The following ELMO1 variants were observed in gnomAD, a reference collection of about 807,000 sequenced individuals.
ELMO1 encodes engulfment and cell motility 1, also known as engulfment and cell motility protein 1.
In ELMO1, 26 loss-of-function variants were observed where a neutral mutation model predicts 98.9. The ratio of observed to expected loss-of-function variants is 0.26; its 90% CI spans 0.19 to 0.36. The LOEUF is 0.36. ELMO1 is among the 10% of genes least tolerant of loss of function. ELMO1 has a pLI of 1.00. For synonymous variants in ELMO1, 346 were observed against 346.0 expected (o/e 1.00, Z 0.00); for missense variants, 627 against 935.2 (o/e 0.67, Z 4.30).
intron 15 of ELMO1, among the ~76,000 whole-genome samples, chr7:37,072,010 G>C (rs1348575045): frequency 6.6e-6 from 1 of 152,188 alleles, no homozygotes; most frequent in Non-Finnish European, 1.5e-5. Context: ...AGTTCTTCTT[G>C]AGAATGAGGA....
intron 13 of ELMO1, among the ~76,000 whole-genome samples, chr7:37,186,837 A>C (rs949576181): frequency 1.3e-5 from 2 of 152,224 alleles, no homozygotes; most frequent in Non-Finnish European, 2.9e-5. Flanking sequence ...GAAAACACTG[A>C]AATCTTCATA....
At chr7:37,126,603 T>C (rs1250034271) in intron 14 of ELMO1, among the ~76,000 whole-genome samples, 1 of 152,216 alleles carries the variant, frequency 6.6e-6, no homozygotes, top group Non-Finnish European at 1.5e-5. Flanking sequence ...TATAACTTGA[T>C]AGTTGTGCCC....
At chr7:37,104,739 C>T (rs965926909) in intron 14 of ELMO1, among the ~76,000 whole-genome samples, 8 of 151,692 alleles carry the variant, frequency 5.3e-5, no homozygotes, top group African/African-American at 7.3e-5. Flanking sequence ...GTATAACTGA[C>T]GACCAGGGAA....
chr7:36,882,105 T>C lies in ELMO1; in HGVS notation c.1715-3988A>G, dbSNP rs1048401973. Among the ~76,000 whole-genome samples the C allele has an allele frequency of 3.2e-4, 49 of 152,018 alleles. 2 individuals are homozygous for C. The highest frequency in any genetic ancestry group is 1.5e-5 in the Non-Finnish European group (1 of 67,984). ...CAAGAACCAAACCCCGAGACTGCCA[T>C]GGAATCAGGACACATCTTTGTTTTG... is the stretch of plus-strand genomic sequence containing the variant. On this transcript the variant is annotated intron_variant, in intron 18 of 21. Coordinates refer to ENST00000310758, the MANE Select transcript of ELMO1 (RefSeq NM_014800.11).
chr7:36,938,258 A>G (rs1786721627), intron 16 of ELMO1, among the ~76,000 whole-genome samples: 1 of 152,234 alleles, frequency 6.6e-6, no homozygotes, highest in South Asian at 2.1e-4. Context: ...ATATACACTG[A>G]TGAAATATGA....
chr7:36,995,008 C>T (rs1209753708), intron 16 of ELMO1, among the ~76,000 whole-genome samples: 1 of 152,152 alleles, frequency 6.6e-6, no homozygotes, highest in African/African-American at 2.4e-5. Context: ...ACTGCTCAGA[C>T]CACACCTGGA....
At chr7:37,285,439 A>G (rs1797343495) in intron 4 of ELMO1, among the ~76,000 whole-genome samples, 1 of 152,232 alleles carries the variant, frequency 6.6e-6, no homozygotes. Context: ...ACACAAAGGA[A>G]AACTGAAGCA....
intron 1 of ELMO1, among the ~76,000 whole-genome samples, chr7:37,434,507 T>C (rs538025368): frequency 6.6e-6 from 1 of 152,364 alleles, no homozygotes; most frequent in South Asian, 2.1e-4. Context: ...GGTTAGATTC[T>C]AACAGGAGTG....
intron 16 of ELMO1, among the ~76,000 whole-genome samples, chr7:36,917,976 T>C (rs1384700603): frequency 1.3e-5 from 2 of 152,230 alleles, no homozygotes; most frequent in African/African-American, 2.4e-5. Flanking sequence ...ACTTTCTATA[T>C]AGTCTATATT....
At chr7:37,318,474 G>C (rs1381185268) in intron 2 of ELMO1, among the ~76,000 whole-genome samples, 1 of 152,214 alleles carries the variant, frequency 6.6e-6, no homozygotes, top group Non-Finnish European at 1.5e-5. Context: ...TAGACTTAGA[G>C]ACTGAAGTCT....
At position 37,271,899 on chromosome 7, in the gene ELMO1, A is replaced by T; in HGVS notation, c.193-17T>A. On this transcript the variant is annotated splice_polypyrimidine_tract_variant and intron_variant, in intron 4 of 21. Transcript: ENST00000310758. ...ATTGCGGTTCTGGAAAAGAAGAAAA[A>T]ATCTTTGTAAATTTTCAAGTAGAAG... 6.2e-7 allele frequency: 1 copy of T among 1,612,740 alleles called. No individual in the cohort carries two copies. Among genetic ancestry groups the T allele is most frequent in the Non-Finnish European group, 8.5e-7 (1 of 1,179,252 alleles).
At chr7:37,057,632 A>C (rs1195160558) in intron 15 of ELMO1, among the ~76,000 whole-genome samples, 1 of 152,220 alleles carries the variant, frequency 6.6e-6, no homozygotes, top group East Asian at 1.9e-4. Context: ...CAGCAAATTC[A>C]GAGCATCATT....
chr7:37,017,406 G>A (rs938819575), intron 15 of ELMO1, among the ~76,000 whole-genome samples: 6 of 152,172 alleles, frequency 3.9e-5, no homozygotes, highest in Non-Finnish European at 5.9e-5. Context: ...CCTGAGTTTT[G>A]TTCATGACAA....
At chr7:37,228,422 C>CTT (rs1793984277) in intron 8 of ELMO1, among the ~76,000 whole-genome samples, 1 of 152,168 alleles carries the variant, frequency 6.6e-6, no homozygotes, top group Admixed American at 6.5e-5. Flanking sequence ...CATTACTGTA[C>CTT]TTTTGGGTGA....
chr7:37,039,419 G>A (rs1374305666), intron 15 of ELMO1, among the ~76,000 whole-genome samples: 1 of 152,202 alleles, frequency 6.6e-6, no homozygotes, highest in Admixed American at 6.5e-5. Context: ...CTCGTGGGCA[G>A]GGCACACAGC....
intron 16 of ELMO1, among the ~76,000 whole-genome samples, chr7:36,994,236 A>G (rs977637047): frequency 3.8e-4 from 58 of 152,274 alleles, no homozygotes; most frequent in African/African-American, 1.4e-3. Context: ...AGCAGACTCT[A>G]TTCTGCTCAC....
chr7:37,400,619 GA>G (rs1489456660), intron 1 of ELMO1, among the ~76,000 whole-genome samples: 2 of 152,146 alleles, frequency 1.3e-5, no homozygotes, highest in African/African-American at 4.8e-5. Context: ...AGAGCTTTAG[GA>G]AACGGTGGAA....
intron 1 of ELMO1, among the ~76,000 whole-genome samples, chr7:37,368,223 A>T (rs1374535671): frequency 1.3e-5 from 2 of 152,196 alleles, no homozygotes; most frequent in African/African-American, 4.8e-5. Flanking sequence ...TATTCAGATG[A>T]TATTATTGTC....
intron 2 of ELMO1, among the ~76,000 whole-genome samples, chr7:37,333,345 G>T (rs993204345): frequency 1.3e-5 from 2 of 152,296 alleles, no homozygotes; most frequent in Admixed American, 6.5e-5. Flanking sequence ...AGAGGTCTTA[G>T]TCATCAAGTC....
Sources: allele counts gnomAD v4.1 joint callset (sites outside exome capture counted in the v4.1 genomes callset), GRCh38; gene constraint gnomAD v4.1.1; transcripts MANE v1.5; gene names NCBI Gene and HGNC (gene_info 2026-07-23, HGNC 2026-07-21).